SMCHD1: variants seen among roughly 807,000 people sequenced by gnomAD.
SMCHD1 encodes the protein structural maintenance of chromosomes flexible hinge domain-containing protein 1.
A neutral mutation model predicts 254.7 loss-of-function variants in SMCHD1; 78 were observed. That is an observed-to-expected ratio of 0.31 (90% CI 0.26 to 0.37). The LOEUF (loss-of-function observed/expected upper bound fraction) is 0.37. SMCHD1 is among the 10% of genes least tolerant of loss of function. SMCHD1 has a pLI of 1.00. For synonymous variants in SMCHD1, 766 were observed against 794.9 expected, an observed-to-expected ratio of 0.96 and a Z score of 0.61; for missense variants, 1,840 against 2,408.1, an observed-to-expected ratio of 0.76 and a Z score of 4.94.
chr18:2,676,926 A>G (rs1441806724), intron 5 of SMCHD1, among the ~76,000 whole-genome samples: 1 of 152,210 alleles, frequency 6.6e-6, no homozygotes, highest in Non-Finnish European at 1.5e-5. Context: ...TAAGAAATTT[A>G]TCATTAATGC....
chr18:2,657,672 G>A (rs1215357595), intron 1 of SMCHD1, among the ~76,000 whole-genome samples: 1 of 151,904 alleles, frequency 6.6e-6, no homozygotes, highest in African/African-American at 2.4e-5. Flanking sequence ...TAAAATATGT[G>A]TTTTATATTC....
chr18:2,763,864 TC>T, intron 37 of SMCHD1, 75 bp downstream of exon 37: 1 of 1,327,050 alleles, frequency 7.5e-7, no homozygotes, highest in South Asian at 1.3e-5. Context: ...AGACACCTTT[TC>T]TTTTGTATAG....
intron 45 of SMCHD1, among the ~76,000 whole-genome samples, chr18:2,791,315 C>T (rs924471515): frequency 2.6e-5 from 4 of 152,170 alleles, no homozygotes; most frequent in Non-Finnish European, 4.4e-5. Context: ...TGAGGCCAGG[C>T]ACAGTGGCTC....
At chr18:2,696,536 G>A (rs2074289089) in intron 8 of SMCHD1, among the ~76,000 whole-genome samples, 1 of 152,152 alleles carries the variant, frequency 6.6e-6, no homozygotes, top group Non-Finnish European at 1.5e-5. Context: ...TGGAAAAATT[G>A]TCTTCCATGA....
intron 3 of SMCHD1, chr18:2,672,991 C>G: frequency 1.2e-6 from 1 of 821,186 alleles, no homozygotes; most frequent in African/African-American, 1.9e-5. Flanking sequence ...CTGTTTGTCT[C>G]TTAATGTCTG....
At position 2,703,861 on chromosome 18, in the gene SMCHD1, G is replaced by A; in HGVS notation, c.1817G>A (p.Gly606Glu). The A allele has an allele frequency of 1.2e-6, 2 of 1,608,142 alleles. No homozygotes were observed. Among genetic ancestry groups the A allele is most frequent in the Non-Finnish European group, 1.7e-6 (2 of 1,177,760 alleles). Residue 606 changes from glycine to glutamate, a missense_variant, in exon 13 of 48, where the codon GGA becomes GAA. Around this residue, in one of 9 missense-constraint regions of SMCHD1, gnomAD observed 498 missense variants for 743.5 expected, o/e 0.67. Transcript: ENST00000320876. ...WATYAAIEWDGKIYKAGQLVK... is the reference protein window; with the variant it reads ...WATYAAIEWDEKIYKAGQLVK... The stretch of plus-strand genomic sequence containing the variant: ...ACATATGCAGCAATAGAATGGGATG[G>A]AAAGATATACAAAGCAGGACAGCTG...
chr18:2,752,586 T>C (rs1315229047), intron 34 of SMCHD1, 34 bp downstream of exon 34: 2 of 1,378,426 alleles, frequency 1.5e-6, no homozygotes, highest in Non-Finnish European at 2.1e-6. Flanking sequence ...TTTGAATACA[T>C]ATCTTGTTAC....
intron 7 of SMCHD1, among the ~76,000 whole-genome samples, chr18:2,690,665 G>A (rs1471368356): frequency 7.2e-6 from 1 of 138,414 alleles, no homozygotes; most frequent in African/African-American, 2.6e-5. Context: ...TTTTTTTTTA[G>A]TGGAGATGGA....
At position 2,770,139 on chromosome 18, in the gene SMCHD1, A is replaced by G. The variant is rs373558483; in HGVS notation, c.4966+31A>G. ...TCATTTTGTATTCAAGACAAAAATT[A>G]TGCTTTGGGGAATGATGAGGCAGGT... On this transcript the variant is annotated intron_variant, in intron 39 of 47. Transcript: ENST00000320876. The G allele has an allele frequency of 2.3e-5, 36 of 1,573,334 alleles. No homozygotes were observed. The African/African-American group carries it at 4.2e-4, about 18-fold the overall frequency.
rs116205112 is a variant in SMCHD1, at chr18:2,698,931, A to G, written c.1342+890A>G. On this transcript the variant is annotated intron_variant, in intron 10 of 47. Coordinates refer to ENST00000320876, the MANE Select transcript of SMCHD1 (RefSeq NM_015295.3). ...GGTATCTTTGGGAAAAAACATTTTC[A>G]CTATTGTTCCTTTTTGAGAATACTT... Among the ~76,000 whole-genome samples the G allele has an allele frequency of 5.4e-3, 829 of 152,154 alleles. 6 individuals are homozygous for G. The highest frequency in any genetic ancestry group is 0.019 in the African/African-American group (768 of 41,496).
chr18:2,744,990 T>C (rs1030470263), intron 29 of SMCHD1, among the ~76,000 whole-genome samples: 1 of 152,110 alleles, frequency 6.6e-6, no homozygotes, highest in Non-Finnish European at 1.5e-5. Flanking sequence ...ATTACAGGCA[T>C]GTGCCACCAT....
intron 1 of SMCHD1, among the ~76,000 whole-genome samples, chr18:2,659,679 G>GT (rs1241753533): frequency 7.0e-6 from 1 of 143,518 alleles, no homozygotes; most frequent in Non-Finnish European, 1.5e-5. Context: ...TGGCTCCAAT[G>GT]TTTTTTGTTG....
rs562852809 is a variant in SMCHD1, at chr18:2,743,197, C to T, written c.3634-564C>T. Among the ~76,000 whole-genome samples, 3 of 152,262 alleles carry T rather than the reference C, an allele frequency of 2.0e-5. No homozygotes were observed. The East Asian group carries it at 5.8e-4, about 29-fold the overall frequency. On this transcript the variant is annotated intron_variant, in intron 28 of 47. Transcript: ENST00000320876. ...ATTCTCATTAATATGATGTGTTACG[C>T]ATTATTCTAAGTAATAGAGATTGAG...
intron 39 of SMCHD1, 63 bp downstream of exon 39, chr18:2,770,171 G>A (rs925690846): frequency 2.1e-5 from 32 of 1,506,276 alleles, no homozygotes; most frequent in African/African-American, 1.6e-4. Context: ...AGGTGAGATC[G>A]TGATACACAA....
Position 2,669,259 on chromosome 18 carries a change from G to T in SMCHD1, c.424+2228G>T, listed in dbSNP as rs536506999. 4.6e-5 allele frequency among the ~76,000 whole-genome samples: 7 copies of T among 152,236 alleles called. No homozygotes were observed. In the South Asian group the frequency reaches 1.5e-3, roughly 32 times the overall value. ...CTTGGGAGGCAGAGGCAGGGGGATTGCTTGAGTGAGCCAAGGAATTCGAGG... is the reference window on the plus strand; with the variant it reads ...CTTGGGAGGCAGAGGCAGGGGGATTTCTTGAGTGAGCCAAGGAATTCGAGG... On this transcript the variant is annotated intron_variant, in intron 3 of 47. Transcript: ENST00000320876.
intron 34 of SMCHD1, among the ~76,000 whole-genome samples, chr18:2,759,567 C>CTTTTT (rs2075748558): frequency 3.5e-4 from 2 of 5,704 alleles, no homozygotes; most frequent in Non-Finnish European, 1.3e-3. Flanking sequence ...CGTTTTAATT[C>CTTTTT]TCTCTTTTTT....
At chr18:2,738,615 G>C in intron 26 of SMCHD1, 70 bp downstream of exon 26, 1 of 1,309,456 alleles carries the variant, frequency 7.6e-7, no homozygotes, top group Non-Finnish European at 1.0e-6. Context: ...ATATATGAAA[G>C]TTGTTTTTAA....
At chr18:2,723,095 A>C (rs1272735825) in intron 20 of SMCHD1, among the ~76,000 whole-genome samples, 1 of 152,002 alleles carries the variant, frequency 6.6e-6, no homozygotes, top group Non-Finnish European at 1.5e-5. Flanking sequence ...TTTCTGTTTT[A>C]CTTTCTGATA....
chr18:2,700,844 AAATT>A lies in SMCHD1; in HGVS notation c.1574_1577del (p.Lys525ArgfsTer8). On this transcript the variant is annotated frameshift_variant, in exon 12 of 48. Coordinates refer to ENST00000320876, the MANE Select transcript of SMCHD1 (RefSeq NM_015295.3). LOFTEE classifies it high-confidence loss of function. The stretch of plus-strand genomic sequence containing the variant: ...TGACAAATTCCAGGTCAGCACAAAT[AAATT>A]GACGTTTATGGATCTTGAGCTAAAA... 6.2e-7 allele frequency: 1 copy of A among 1,613,304 alleles called. No individual in the cohort carries two copies. Among genetic ancestry groups the A allele is most frequent in the Non-Finnish European group, 8.5e-7 (1 of 1,179,594 alleles).
Sources: allele counts gnomAD v4.1 joint callset (sites outside exome capture counted in the v4.1 genomes callset), GRCh38; gene constraint gnomAD v4.1.1; regional missense constraint gnomAD v4.1.1; transcripts MANE v1.5; gene names NCBI Gene and HGNC (gene_info 2026-07-23, HGNC 2026-07-21).